Variants in SGCG observed in about 807,000 individuals in gnomAD.
SGCG encodes the protein sarcoglycan gamma, also known as gamma-sarcoglycan.
Under a neutral mutation model 29.3 loss-of-function variants are expected in SGCG, and 26 were observed. That is an observed-to-expected ratio of 0.89 (90% CI 0.65 to 1.23). The LOEUF is 1.23. Ranked by LOEUF, SGCG falls within the 50% of genes most tolerant of loss-of-function variation. SGCG has a pLI of 0.00. For missense variants in SGCG, 353 were observed against 356.0 expected (o/e 0.99, Z 0.07); for synonymous variants, 145 against 129.7 (o/e 1.12, Z -0.80).
At position 23,199,903 on chromosome 13, in the gene SGCG, G is replaced by T. The variant is rs73437073; in HGVS notation, c.1-3792G>T. ...GCAGGGCAGGTGGGCAGATGTGGGG[G>T]GACTCAAGAGCCAAAGACAGCACAT... On this transcript the variant is annotated intron_variant, in intron 1 of 7. Coordinates refer to ENST00000218867, the MANE Select transcript of SGCG (RefSeq NM_000231.3). Among the ~76,000 whole-genome samples the T allele has an allele frequency of 2.9e-3, 434 of 152,228 alleles. 4 individuals are homozygous for T. The highest frequency in any genetic ancestry group is 9.9e-3 in the African/African-American group (410 of 41,528).
chr13:23,192,707 TATTA>T (rs1877326482), intron 1 of SGCG, among the ~76,000 whole-genome samples: 1 of 152,316 alleles, frequency 6.6e-6, no homozygotes, highest in African/African-American at 2.4e-5. Context: ...GTAGGGTCTT[TATTA>T]AAGAACAGTT....
chr13:23,227,044 T>C (rs1394945592), intron 2 of SGCG, among the ~76,000 whole-genome samples: 1 of 152,164 alleles, frequency 6.6e-6, no homozygotes, highest in Non-Finnish European at 1.5e-5. Context: ...TAGAATAATG[T>C]AGAAAAAGAA....
At chr13:23,289,929 A>G (rs1053387317) in intron 5 of SGCG, among the ~76,000 whole-genome samples, 2 of 152,202 alleles carry the variant, frequency 1.3e-5, no homozygotes, top group African/African-American at 4.8e-5. Flanking sequence ...AGGCAGTAAG[A>G]CCAGTTAGGA....
At chr13:23,214,962 T>C (rs1222882567) in intron 2 of SGCG, among the ~76,000 whole-genome samples, 2 of 152,202 alleles carry the variant, frequency 1.3e-5, no homozygotes, top group Non-Finnish European at 2.9e-5. Context: ...ATCATGGACA[T>C]CAGTGATACA....
chr13:23,322,277 A>G lies in SGCG; in HGVS notation c.702+1517A>G, dbSNP rs867379142. 1.7e-4 allele frequency among the ~76,000 whole-genome samples: 26 copies of G among 152,356 alleles called. 1 individual carries two copies. The highest frequency in any genetic ancestry group is 6.8e-3 in the Middle Eastern group (2 of 294). ...GTCCAAAAGGCTGAAGAAGAGACCC[A>G]GAGCCATGGAACAGGACATAGGGTT... On this transcript the variant is annotated intron_variant, in intron 7 of 7. Coordinates refer to ENST00000218867, the MANE Select transcript of SGCG (RefSeq NM_000231.3).
intron 4 of SGCG, chr13:23,269,088 C>T (rs891201632): frequency 6.6e-6 from 1 of 152,004 alleles, no homozygotes; most frequent in African/African-American, 2.4e-5. Flanking sequence ...AATAGATGTT[C>T]CTTCAGAAAA....
chr13:23,214,396 C>T (rs1246143549), intron 2 of SGCG, among the ~76,000 whole-genome samples: 2 of 152,184 alleles, frequency 1.3e-5, no homozygotes, highest in African/African-American at 4.8e-5. Context: ...AAACCAAACC[C>T]CTGCTGTTTC....
At chr13:23,174,521 A>G in the SGCG span, among the ~76,000 whole-genome samples, 2 of 152,242 alleles carry the variant, frequency 1.3e-5, no homozygotes, top group African/African-American at 2.4e-5. Context: ...TCGATTCCAT[A>G]TAGTAGATTA....
intron 6 of SGCG, among the ~76,000 whole-genome samples, chr13:23,301,267 A>G (rs534406021): frequency 2.6e-5 from 4 of 152,318 alleles, no homozygotes; most frequent in African/African-American, 9.6e-5. Flanking sequence ...ATGAATAGAA[A>G]TGAGGGAAAA....
At chr13:23,243,603 C>T (rs1263169442) in intron 3 of SGCG, 1 of 152,194 alleles carries the variant, frequency 6.6e-6, no homozygotes, top group African/African-American at 2.4e-5. Context: ...TTTCTCTGCG[C>T]TTGGGAGTGG....
chr13:23,299,240 A>G (rs1882024711), intron 6 of SGCG, among the ~76,000 whole-genome samples: 1 of 151,174 alleles, frequency 6.6e-6, no homozygotes, highest in Admixed American at 6.6e-5. Context: ...TGAGAGATTG[A>G]TTCTTTGATT....
chr13:23,195,697 A>T (rs929494052), intron 1 of SGCG, among the ~76,000 whole-genome samples: 9 of 150,878 alleles, frequency 6.0e-5, no homozygotes, highest in African/African-American at 2.2e-4. Flanking sequence ...TGTGTGTATA[A>T]TAAGGGTATT....
At chr13:23,203,055 G>GT (rs1877827415) in intron 1 of SGCG, among the ~76,000 whole-genome samples, 2 of 151,980 alleles carry the variant, frequency 1.3e-5, no homozygotes, top group African/African-American at 4.8e-5. Context: ...CATCTACTGG[G>GT]TTCAAGCGAT....
At position 23,324,779 on chromosome 13, in the gene SGCG, T is replaced by C; in HGVS notation, c.*238T>C. On this transcript the variant is annotated 3_prime_UTR_variant, in exon 8 of 8. Transcript: ENST00000218867. ...ATGGAAAAGCAATGTGTTTTTCCACTGGATTAATTTTCACCGGAACAATTG... is the reference window on the plus strand; with the variant it reads ...ATGGAAAAGCAATGTGTTTTTCCACCGGATTAATTTTCACCGGAACAATTG... 1 of 531,508 alleles carries C rather than the reference T, an allele frequency of 1.9e-6. No individual in the cohort carries two copies. The highest frequency in any genetic ancestry group is 3.5e-5 in the East Asian group (1 of 28,496). The allele number at this position is 531,508 out of a possible 1,614,324, so 32.9% of individuals were successfully genotyped here.
At chr13:23,196,880 G>C (rs765606660) in intron 1 of SGCG, among the ~76,000 whole-genome samples, 2 of 152,120 alleles carry the variant, frequency 1.3e-5, no homozygotes, top group Non-Finnish European at 2.9e-5. Flanking sequence ...ATGTTTCTTG[G>C]AAGTTTAAAG....
intron 3 of SGCG, among the ~76,000 whole-genome samples, chr13:23,239,027 G>A (rs1206958710): frequency 6.6e-6 from 1 of 152,060 alleles, no homozygotes; most frequent in Non-Finnish European, 1.5e-5. Flanking sequence ...CAAAGAAGAA[G>A]AAAGAAGAGA....
intron 2 of SGCG, among the ~76,000 whole-genome samples, chr13:23,230,129 T>C (rs190491851): frequency 1.3e-5 from 2 of 152,286 alleles, no homozygotes; most frequent in Admixed American, 1.3e-4. Flanking sequence ...TCTATTCTGT[T>C]CTTTTGGTCT....
intron 6 of SGCG, among the ~76,000 whole-genome samples, chr13:23,301,796 T>C (rs1258827802): frequency 6.6e-6 from 1 of 151,498 alleles, no homozygotes; most frequent in African/African-American, 2.4e-5. Context: ...GAGGCTGAGG[T>C]AGAAGAATTC....
intron 3 of SGCG, chr13:23,243,511 T>A (rs1238352464): frequency 6.6e-6 from 1 of 152,234 alleles, no homozygotes; most frequent in South Asian, 2.1e-4. Flanking sequence ...AGGCAACCCC[T>A]GTCGTGGAAA....
Sources: gnomAD v4.1 joint callset for allele counts (sites outside exome capture counted in the v4.1 genomes callset) on GRCh38, gnomAD v4.1.1 for gene constraint, MANE v1.5 for transcripts, NCBI Gene and HGNC (gene_info 2026-07-23, HGNC 2026-07-21) for gene names.